NOC4L: variants seen among roughly 807,000 people sequenced by gnomAD.
NOC4L encodes the protein nucleolar complex protein 4 homolog.
In NOC4L, 40 loss-of-function variants were observed where a neutral mutation model predicts 62.8. The ratio of observed to expected loss-of-function variants is 0.64; its 90% confidence interval spans 0.49 to 0.83. The LOEUF (loss-of-function observed/expected upper bound fraction) is 0.83, where lower values mean the gene tolerates loss of function less well. Ranked by LOEUF, NOC4L falls within the 40% of genes least tolerant of loss-of-function variation. The probability of loss-of-function intolerance (pLI) is 0.00; values close to 1 mark genes in which losing one functional copy is unlikely to be tolerated. For synonymous variants in NOC4L, 433 were observed against 299.8 expected (o/e 1.44, Z -4.59); for missense variants, 927 against 701.9 (o/e 1.32, Z -3.62).
Position 132,152,432 on chromosome 12 carries a change from G to C in NOC4L, c.*31G>C. ...GCCCACCTGTGAATAAATCTCAGCT[G>C]ACCCCAGCCCACCTGTGAATAAATG... On this transcript the variant is annotated 3_prime_UTR_variant, in exon 15 of 15. Coordinates refer to ENST00000330579, the MANE Select transcript of NOC4L (RefSeq NM_024078.3). 1 of 1,555,076 alleles carries C rather than the reference G, an allele frequency of 6.4e-7. No individual in the cohort carries two copies. The highest frequency in any genetic ancestry group is 8.7e-7 in the Non-Finnish European group (1 of 1,145,734).
Position 132,148,893 on chromosome 12 carries a change from T to A in NOC4L, c.899T>A (p.Leu300His), listed in dbSNP as rs1565960299. The change falls in exon 9 of 15, where the codon CTC becomes CAC. Residue 300 changes from leucine (L) to histidine (H), a missense_variant and splice_region_variant. Physicochemically the swap from Leu to His is moderately conservative, Grantham distance 99. Transcript: ENST00000330579. ...GACTTCCTCACCCGCGCCTGCGACC[T>A]CGGTGAGTGCCGCCGCCTCGCTCAC... ...MIDFLTRACD[L>H]GGALSLLALN... 1 of 1,357,806 alleles carries A rather than the reference T, an allele frequency of 7.4e-7. No individual in the cohort carries two copies. The highest frequency in any genetic ancestry group is 1.5e-5 in the African/African-American group (1 of 65,524). 84.1% of individuals were successfully genotyped at this position (1,357,806 alleles called of 1,614,324 possible).
chr12:132,151,647 G>A lies in NOC4L; in HGVS notation c.1234+3G>A, dbSNP rs753716724. 1.9e-6 allele frequency: 3 copies of A among 1,611,532 alleles called. No homozygotes were observed. The highest frequency in any genetic ancestry group is 2.5e-6 in the Non-Finnish European group (3 of 1,179,396). ...CGTGCACCGTCCACACGGCCCTGGT[G>A]AGTTGCGGGGCCCTCGGAGGCTGGG... On this transcript the variant is annotated splice_donor_region_variant and intron_variant, in intron 12 of 14. Transcript: ENST00000330579.
In NOC4L at chr12:132,148,862, A is replaced by G. The variant is rs750161277; in HGVS notation, c.868A>G (p.Met290Val). The G allele has an allele frequency of 3.1e-6, 5 of 1,600,450 alleles. No individual in the cohort carries two copies. The Admixed American group carries it at 5.0e-5, about 16-fold the overall frequency. ...GCCGCAGCTGGCGCAGCCCACGCTC[A>G]TGATCGACTTCCTCACCCGCGCCTG... Reference protein sequence around the residue: ...ILPQLAQPTLMIDFLTRACDL... With the variant: ...ILPQLAQPTLVIDFLTRACDL... The change falls in exon 9 of 15, where the codon ATG becomes GTG. Residue 290 changes from methionine to valine, a missense_variant. Coordinates refer to ENST00000330579, the MANE Select transcript of NOC4L (RefSeq NM_024078.3).
chr12:132,147,238 G>C, intron 3 of NOC4L, 43 bp from the exon 4 acceptor site: 1 of 1,385,816 alleles, frequency 7.2e-7, no homozygotes. Context: ...GCCCATCCGT[G>C]GGGTGAGGGC....
rs1897689950 is a variant in NOC4L, at chr12:132,145,684, C to CACCCCTCCTTTCAGGACAAGGTGGG, written c.345+19_345+20insACCCCTCCTTTCAGGACAAGGTGGG. 6.4e-7 allele frequency: 1 copy of CACCCCTCCTTTCAGGACAAGGTGGG among 1,562,650 alleles called. No homozygotes were observed. The highest frequency in any genetic ancestry group is 1.7e-5 in the Admixed American group (1 of 59,164). ...GGTCAAGGTGGGTCATTGGGCTGGC[C>CACCCCTCCTTTCAGGACAAGGTGGG]TCATCCTTGTCCATCCCCTGCACCC... On this transcript the variant is annotated intron_variant, in intron 3 of 14. Coordinates refer to ENST00000330579, the MANE Select transcript of NOC4L (RefSeq NM_024078.3).
At chr12:132,148,763 C>G (rs557022971) in intron 8 of NOC4L, 21 bp from the exon 9 acceptor site, 9 of 1,431,848 alleles carry the variant, frequency 6.3e-6, no homozygotes, top group Admixed American at 2.1e-5. Context: ...CCCTCACCCC[C>G]ACCTGCCGGC....
chr12:132,146,441 C>T (rs1321045808), intron 3 of NOC4L: 5 of 437,562 alleles, frequency 1.1e-5, no homozygotes, highest in East Asian at 7.2e-5. Flanking sequence ...CGCGTACAAA[C>T]TCTTGTGTGA....
At chr12:132,147,520 C>T (rs1238587458) in intron 4 of NOC4L, 113 bp from the exon 5 acceptor site, 2 of 1,477,736 alleles carry the variant, frequency 1.4e-6, no homozygotes, top group Non-Finnish European at 1.8e-6. Context: ...CTCCTGTGGC[C>T]CACCCAACCA....
rs1212353647 is a variant in NOC4L at position 132,151,899 on chromosome 12, C to T, written c.1317+79C>T. ...CAGAAAGCCCAGCTCCCCGTGCCAC[C>T]TCCCGCATAGCCTCATGTTGCGTCC... On this transcript the variant is annotated intron_variant, in intron 13 of 14. Coordinates refer to ENST00000330579, the MANE Select transcript of NOC4L (RefSeq NM_024078.3). 8 of 1,428,124 alleles carry T rather than the reference C, an allele frequency of 5.6e-6. No homozygotes were observed. The African/African-American group carries it at 9.9e-5, about 18-fold the overall frequency. 88.5% of individuals were successfully genotyped at this position (1,428,124 alleles called of 1,614,324 possible).
chr12:132,148,165 A>C, intron 7 of NOC4L, 59 bp downstream of exon 7: 2 of 1,554,248 alleles, frequency 1.3e-6, no homozygotes, highest in Non-Finnish European at 8.8e-7. Flanking sequence ...TGTGGGGTGC[A>C]TGTGAGACCC....
chr12:132,151,474 C>T lies in NOC4L; in HGVS notation c.1074-10C>T, dbSNP rs1334697953. The T allele has an allele frequency of 2.0e-5, 32 of 1,600,436 alleles. No homozygotes were observed. The highest frequency in any genetic ancestry group is 2.6e-5 in the Non-Finnish European group (31 of 1,178,910). On this transcript the variant is annotated splice_polypyrimidine_tract_variant and intron_variant, in intron 11 of 14. Coordinates refer to ENST00000330579, the MANE Select transcript of NOC4L (RefSeq NM_024078.3). ...TCCGGGCCCTGTCTCACAACCACTGCCCTGCCCAGCCACCTCCCCGCCTAC... is the reference window on the plus strand; with the variant it reads ...TCCGGGCCCTGTCTCACAACCACTGTCCTGCCCAGCCACCTCCCCGCCTAC...
intron 7 of NOC4L, among the ~76,000 whole-genome samples, 186 bp downstream of exon 7, chr12:132,148,292 T>A (rs1897802700): frequency 6.6e-6 from 1 of 152,148 alleles, no homozygotes; most frequent in African/African-American, 2.4e-5. Flanking sequence ...CTCGGGACCC[T>A]CCCTTGGGTC....
intron 7 of NOC4L, among the ~76,000 whole-genome samples, chr12:132,148,363 G>A (rs761987565): frequency 5.9e-5 from 9 of 152,216 alleles, no homozygotes; most frequent in Non-Finnish European, 1.3e-4. Flanking sequence ...CCCGTGGGCT[G>A]TTTTGGGCGC....
intron 3 of NOC4L, among the ~76,000 whole-genome samples, chr12:132,145,908 T>C (rs1897699745): frequency 2.0e-5 from 3 of 152,196 alleles, no homozygotes; most frequent in Admixed American, 6.5e-5. Context: ...TGTGTTTGCA[T>C]AGAGCACGCA....
Position 132,148,664 on chromosome 12 carries a change from G to A in NOC4L, c.789+5G>A, listed in dbSNP as rs372666584. On this transcript the variant is annotated splice_donor_5th_base_variant and intron_variant, in intron 8 of 14. Coordinates refer to ENST00000330579, the MANE Select transcript of NOC4L (RefSeq NM_024078.3). ...CTCAGCTTCCTCAAGCACAAGGTAG[G>A]GGCCAGGCCGGGGAGGGGGCGGGGG... 2.5e-5 allele frequency: 39 copies of A among 1,546,742 alleles called. No homozygotes were observed. In the African/African-American group the frequency reaches 3.6e-4, roughly 14 times the overall value.
intron 10 of NOC4L, 24 bp from the exon 11 acceptor site, chr12:132,151,234 C>T (rs12818246): frequency 0.62 from 981,764 of 1,591,556 alleles, 309,631 homozygotes; most frequent in Non-Finnish European, 0.65. Context: ...GCTCCATCCG[C>T]TGCTCCTTCC....
chr12:132,151,971 A>T, intron 13 of NOC4L, 113 bp from the exon 14 acceptor site: 1 of 1,252,028 alleles, frequency 8.0e-7, no homozygotes, highest in Non-Finnish European at 1.1e-6. Context: ...TGGCCTTCTC[A>T]CGTGGCTCCG....
Position 132,148,260 on chromosome 12 carries a change from G to T in NOC4L, c.738+154G>T, listed in dbSNP as rs547713804. Among the ~76,000 whole-genome samples the T allele has an allele frequency of 2.6e-5, 4 of 152,310 alleles. No individual in the cohort carries two copies. In the South Asian group the frequency reaches 8.3e-4, roughly 32 times the overall value. On this transcript the variant is annotated intron_variant, in intron 7 of 14. Transcript: ENST00000330579. ...ACGGCCACCAGGTCACTCGAAGTGT[G>T]GGAGGTGACGAGACCTGTGAACTCG...
Position 132,151,303 on chromosome 12 carries a change from C to G in NOC4L, c.1008C>G (p.Pro336=), listed in dbSNP as rs762763675. The change falls in exon 11 of 15, where the codon CCC becomes CCG. Residue 336 remains proline, a synonymous_variant. Coordinates refer to ENST00000330579, the MANE Select transcript of NOC4L (RefSeq NM_024078.3). ...FYRKLYGLLD[P]SVFHVKYRAR... Reference sequence around the variant, plus strand: ...GGAAGCTCTACGGCCTCTTGGACCCCTCTGTCTTTCACGTCAAGTACCGCG... The same window carrying G: ...GGAAGCTCTACGGCCTCTTGGACCCGTCTGTCTTTCACGTCAAGTACCGCG... The G allele has an allele frequency of 6.2e-7, 1 of 1,611,934 alleles. No homozygotes were observed. Among genetic ancestry groups the G allele is most frequent in the African/African-American group, 1.3e-5 (1 of 74,936 alleles).
Sources: gnomAD v4.1 joint callset for allele counts (sites outside exome capture counted in the v4.1 genomes callset) on GRCh38, gnomAD v4.1.1 for gene constraint, MANE v1.5 for transcripts, NCBI Gene and HGNC (gene_info 2026-07-23, HGNC 2026-07-21) for gene names.